The following AFTPH variants were observed in gnomAD, a reference collection of about 807,000 sequenced individuals.
AFTPH encodes the protein aftiphilin protein.
A neutral mutation model predicts 72.5 loss-of-function variants in AFTPH; 7 were observed. That is an observed-to-expected ratio of 0.10 (90% confidence interval 0.05 to 0.18). The LOEUF (loss-of-function observed/expected upper bound fraction) is 0.18. AFTPH is among the 10% of genes least tolerant of loss of function. The probability of loss-of-function intolerance (pLI) is 1.00; values close to 1 mark genes in which losing one functional copy is unlikely to be tolerated. For synonymous variants in AFTPH, 337 were observed against 370.1 expected (o/e 0.91, Z 1.03); for missense variants, 979 against 1,060.5 (o/e 0.92, Z 1.07).
At chr2:64,547,710 G>A (rs562934288) in intron 1 of AFTPH, among the ~76,000 whole-genome samples, 1 of 145,584 alleles carries the variant, frequency 6.9e-6, no homozygotes, top group African/African-American at 2.7e-5. Context: ...GATTTAGTTA[G>A]TAGCAGCCCT....
chr2:64,550,348 T>G (rs145082488), intron 1 of AFTPH, among the ~76,000 whole-genome samples: 67 of 152,118 alleles, frequency 4.4e-4, no homozygotes, highest in African/African-American at 1.5e-3. Flanking sequence ...GGCAACATAG[T>G]GAGACCCTGT....
intron 7 of AFTPH, among the ~76,000 whole-genome samples, chr2:64,582,506 G>A (rs1452162021): frequency 1.3e-5 from 2 of 152,126 alleles, no homozygotes; most frequent in African/African-American, 2.4e-5. Context: ...AAACCAATCT[G>A]TCTGGTTTTG....
rs764819647 is a variant in AFTPH at position 64,553,333 on chromosome 2, C to T, written c.1859C>T (p.Thr620Met). Reference sequence around the variant, plus strand: ...ATTGATACTCCAGGAACCCCCAAAACGCACAGTGTACCTTCAGCAACTTCC... The same window carrying T: ...ATTGATACTCCAGGAACCCCCAAAATGCACAGTGTACCTTCAGCAACTTCC... The change falls in exon 2 of 9, where the codon ACG (threonine) becomes ATG (methionine). Residue 620 changes from threonine to methionine, a missense_variant. Physicochemically the swap from Thr to Met is moderately conservative, Grantham distance 81. Around this residue, in one of 3 missense-constraint regions of AFTPH, gnomAD observed 438 missense variants for 530.0 expected, o/e 0.83. Transcript: ENST00000238856. 5.3e-5 allele frequency: 85 copies of T among 1,613,760 alleles called. No individual in the cohort carries two copies. The highest frequency in any genetic ancestry group is 8.9e-5 in the East Asian group (4 of 44,892).
At chr2:64,589,753 A>C (rs985602084) in intron 8 of AFTPH, among the ~76,000 whole-genome samples, 3 of 152,220 alleles carry the variant, frequency 2.0e-5, no homozygotes, top group African/African-American at 7.2e-5. Flanking sequence ...AAGTCCATTT[A>C]GGTGCGCATT....
chr2:64,582,714 CTTTGT>C (rs1356554929), intron 7 of AFTPH, among the ~76,000 whole-genome samples: 3 of 152,256 alleles, frequency 2.0e-5, no homozygotes, highest in African/African-American at 7.2e-5. Context: ...TTGCTCTCAG[CTTTGT>C]TTTGTCATAA....
chr2:64,571,739 A>C (rs937662000), intron 5 of AFTPH, among the ~76,000 whole-genome samples: 1 of 152,190 alleles, frequency 6.6e-6, no homozygotes, highest in African/African-American at 2.4e-5. Flanking sequence ...GATTTTGTCT[A>C]GGATGTAACC....
intron 5 of AFTPH, among the ~76,000 whole-genome samples, chr2:64,570,361 A>T (rs1573013683): frequency 3.3e-5 from 5 of 152,360 alleles, no homozygotes; most frequent in Admixed American, 3.3e-4. Context: ...GGAAAAAATA[A>T]TGAAGGAATC....
At chr2:64,590,848 T>A (rs1673788310) in intron 8 of AFTPH, among the ~76,000 whole-genome samples, 1 of 152,216 alleles carries the variant, frequency 6.6e-6, no homozygotes, top group Non-Finnish European at 1.5e-5. Context: ...TAGCTATCCT[T>A]CCTTTCTTGC....
intron 2 of AFTPH, among the ~76,000 whole-genome samples, chr2:64,558,349 A>G (rs1671517706): frequency 6.6e-6 from 1 of 152,228 alleles, no homozygotes; most frequent in South Asian, 2.1e-4. Context: ...CAATTTTACC[A>G]TAGGCTAACT....
chr2:64,562,696 G>T (rs1224869952), intron 2 of AFTPH, among the ~76,000 whole-genome samples: 2 of 152,152 alleles, frequency 1.3e-5, no homozygotes, highest in African/African-American at 4.8e-5. Context: ...TTAGAATAAT[G>T]TCTGCCACAT....
Position 64,524,447 on chromosome 2 carries a change from G to T in AFTPH, c.-198G>T, listed in dbSNP as rs1669122437. On this transcript the variant is annotated 5_prime_UTR_variant, in exon 1 of 9. It introduces an in-frame stop codon into an upstream open reading frame of the 5' UTR. Coordinates refer to ENST00000238856, the Ensembl canonical transcript of AFTPH. ...GGGATGGGGGTCCCGCGGCAGCGGT[G>T]AAACTCCGGGTGGGCGTCCATGGTG... 4 of 402,392 alleles carry T rather than the reference G, an allele frequency of 9.9e-6. No homozygotes were observed. The highest frequency in any genetic ancestry group is 1.8e-5 in the Non-Finnish European group (4 of 228,064). The allele number at this position is 402,392 out of a possible 1,614,324, so 24.9% of individuals were successfully genotyped here. A position where few individuals can be genotyped will look rare whatever the true frequency, so the allele number is the denominator to read the frequency against.
exon 2 of AFTPH, chr2:64,551,934 G>C: frequency 6.2e-7 from 1 of 1,613,526 alleles, no homozygotes; most frequent in East Asian, 2.2e-5. Flanking sequence ...CTCTCCAGGA[G>C]ATTTTAGAAC....
intron 2 of AFTPH, among the ~76,000 whole-genome samples, chr2:64,559,986 G>A (rs1314739285): frequency 6.6e-6 from 1 of 152,162 alleles, no homozygotes; most frequent in Non-Finnish European, 1.5e-5. Context: ...TTATAGGCAT[G>A]AGCCACCATG....
intron 1 of AFTPH, among the ~76,000 whole-genome samples, chr2:64,531,615 A>G (rs1417337418): frequency 6.6e-6 from 1 of 152,242 alleles, no homozygotes; most frequent in African/African-American, 2.4e-5. Context: ...ATCTTGTCTA[A>G]TACAGTAGCC....
intron 2 of AFTPH, among the ~76,000 whole-genome samples, chr2:64,553,796 A>T (rs1325215789): frequency 2.0e-5 from 3 of 147,016 alleles, no homozygotes; most frequent in African/African-American, 7.5e-5. Flanking sequence ...AAAGAAGGTT[A>T]AACTGAGATT....
intron 2 of AFTPH, among the ~76,000 whole-genome samples, chr2:64,563,339 AAAAC>A (rs1468535286): frequency 1.3e-5 from 2 of 152,216 alleles, no homozygotes; most frequent in Non-Finnish European, 2.9e-5. Context: ...AAATTTTTGA[AAAAC>A]AAATTTGAAA....
chr2:64,579,091 T>C (rs1573034316), intron 6 of AFTPH: 1 of 157,896 alleles, frequency 6.3e-6, no homozygotes, highest in African/African-American at 2.4e-5. Context: ...ATCTGGAAAA[T>C]TGTAAGGAAC....
At chr2:64,550,483 A>G (rs1032273400) in intron 1 of AFTPH, among the ~76,000 whole-genome samples, 1 of 152,208 alleles carries the variant, frequency 6.6e-6, no homozygotes, top group African/African-American at 2.4e-5. Flanking sequence ...GTGTGATTCT[A>G]TTTATATATA....
At chr2:64,570,381 G>T (rs12713518) in intron 5 of AFTPH, among the ~76,000 whole-genome samples, 52,731 of 151,998 alleles carry the variant, frequency 0.35, 9,276 homozygotes, top group South Asian at 0.39. Flanking sequence ...CTTTGGTATA[G>T]AATTTATACA....
Sources: allele counts gnomAD v4.1 joint callset (sites outside exome capture counted in the v4.1 genomes callset), GRCh38; gene constraint gnomAD v4.1.1; regional missense constraint gnomAD v4.1.1; transcripts MANE v1.5; gene names NCBI Gene and HGNC (gene_info 2026-07-23, HGNC 2026-07-21).